TEX36: variants seen among roughly 807,000 people sequenced by gnomAD.
TEX36 encodes testis expressed 36.
A neutral mutation model predicts 13.6 loss-of-function variants in TEX36; 12 were observed. The observed-to-expected ratio is 0.88, with a 90% CI of 0.56 to 1.43. The LOEUF is 1.43. TEX36 is among the 40% of genes most tolerant of loss of function. TEX36 has a pLI of 0.00. For missense variants in TEX36, 224 were observed against 228.3 expected (o/e 0.98, Z 0.12); for synonymous variants, 93 against 83.0 (o/e 1.12, Z -0.65).
chr10:125,634,268 A>G (rs1401696600), intron 3 of TEX36, among the ~76,000 whole-genome samples: 1 of 152,170 alleles, frequency 6.6e-6, no homozygotes, highest in East Asian at 1.9e-4. Context: ...AGCAGAAGCC[A>G]GGTCCCAACT....
intron 3 of TEX36, among the ~76,000 whole-genome samples, chr10:125,591,671 C>G (rs938494169): frequency 6.6e-6 from 1 of 152,202 alleles, no homozygotes; most frequent in African/African-American, 2.4e-5. Flanking sequence ...TAGAGCAGAT[C>G]TTAGTCTTAG....
At chr10:125,621,999 C>T (rs1374622452) in intron 3 of TEX36, among the ~76,000 whole-genome samples, 1 of 152,198 alleles carries the variant, frequency 6.6e-6, no homozygotes, top group Admixed American at 6.5e-5. Flanking sequence ...AAATGCCAAT[C>T]TCCTCTGGCA....
chr10:125,668,080 G>T, intron 1 of TEX36: 1 of 609,544 alleles, frequency 1.6e-6, no homozygotes, highest in South Asian at 2.1e-5. Flanking sequence ...AGAGTCTGTG[G>T]ACAGAGTGTG....
rs543129251 is a variant in TEX36 at position 125,601,469 on chromosome 10, A to G, written c.265-24595T>C. 1.0e-3 allele frequency among the ~76,000 whole-genome samples: 155 copies of G among 152,368 alleles called. 2 individuals carry two copies. Among genetic ancestry groups the G allele is most frequent in the Admixed American group, 4.6e-3 (70 of 15,310 alleles). On this transcript the variant is annotated intron_variant, in intron 3 of 3. Transcript: ENST00000532135. ...TGTTTGTTTGAGTTACAGACAGTGA[A>G]GATAATTCAAGAATTTGTAATTGCT...
At chr10:125,576,812 C>G in exon 4 of TEX36, 1 of 1,535,984 alleles carries the variant, frequency 6.5e-7, no homozygotes, top group East Asian at 2.4e-5. Flanking sequence ...GGGTCCTCAC[C>G]GGCTCATAGA....
At chr10:125,607,429 C>T (rs758152170) in intron 3 of TEX36, among the ~76,000 whole-genome samples, 6 of 152,152 alleles carry the variant, frequency 3.9e-5, no homozygotes, top group East Asian at 1.9e-4. Flanking sequence ...CTGCCCTCCC[C>T]GCATTTATTT....
At chr10:125,592,703 C>A (rs1268037197) in intron 3 of TEX36, among the ~76,000 whole-genome samples, 2 of 152,098 alleles carry the variant, frequency 1.3e-5, no homozygotes, top group Middle Eastern at 3.2e-3. Flanking sequence ...CAGTCCCAAG[C>A]CCCAACTTGT....
At chr10:125,618,635 A>C (rs1846387729), downstream of TEX36, among the ~76,000 whole-genome samples, 1 of 151,968 alleles carries the variant, frequency 6.6e-6, no homozygotes, top group South Asian at 2.1e-4. Context: ...TTCCTAATGG[A>C]GGTGCCTGCC....
chr10:125,584,570 T>C (rs1329807745), intron 3 of TEX36, among the ~76,000 whole-genome samples: 2 of 152,186 alleles, frequency 1.3e-5, no homozygotes, highest in Admixed American at 6.5e-5. Flanking sequence ...TATTTGGAGA[T>C]AGAAGCTTTA....
intron 3 of TEX36, among the ~76,000 whole-genome samples, chr10:125,629,150 A>G (rs1198611755): frequency 4.6e-5 from 7 of 152,340 alleles, no homozygotes; most frequent in Middle Eastern, 3.4e-3. Context: ...CCTGATCTAC[A>G]TCATAACTGC....
intron 3 of TEX36, among the ~76,000 whole-genome samples, chr10:125,648,318 A>T (rs1846803215): frequency 6.6e-6 from 1 of 152,212 alleles, no homozygotes; most frequent in Admixed American, 6.5e-5. Flanking sequence ...CAGAGGAAGG[A>T]TCAGGCAACA....
intron 3 of TEX36, among the ~76,000 whole-genome samples, chr10:125,658,457 G>A (rs1846981108): frequency 6.6e-6 from 1 of 152,010 alleles, no homozygotes; most frequent in African/African-American, 2.4e-5. Flanking sequence ...AATCTTAGAA[G>A]CAGAAATTGA....
intron 3 of TEX36, among the ~76,000 whole-genome samples, chr10:125,584,047 C>T (rs1429217815): frequency 6.6e-6 from 1 of 152,224 alleles, no homozygotes; most frequent in Non-Finnish European, 1.5e-5. Flanking sequence ...ATCTTCCACT[C>T]CTGTCCTCTT....
intron 3 of TEX36, among the ~76,000 whole-genome samples, chr10:125,648,317 G>GC (rs1846803192): frequency 6.6e-6 from 1 of 152,174 alleles, no homozygotes; most frequent in Admixed American, 6.5e-5. Flanking sequence ...CCAGAGGAAG[G>GC]ATCAGGCAAC....
At chr10:125,576,636 G>T in exon 4 of TEX36, 1 of 1,331,434 alleles carries the variant, frequency 7.5e-7, no homozygotes, top group Non-Finnish European at 1.0e-6. Flanking sequence ...AATAAATCCT[G>T]GTGGTTACTA....
At chr10:125,626,641 T>G (rs1308482646) in intron 3 of TEX36, among the ~76,000 whole-genome samples, 7 of 152,078 alleles carry the variant, frequency 4.6e-5, no homozygotes, top group Non-Finnish European at 8.8e-5. Flanking sequence ...AAAGCCATGA[T>G]GGAGCAGACA....
chr10:125,646,141 A>G (rs1488683056), intron 3 of TEX36, among the ~76,000 whole-genome samples: 1 of 152,192 alleles, frequency 6.6e-6, no homozygotes, highest in African/African-American at 2.4e-5. Flanking sequence ...CCATCTGGGC[A>G]ACATGGTGAA....
chr10:125,621,982 C>T (rs1846433997), intron 3 of TEX36, among the ~76,000 whole-genome samples: 7 of 152,210 alleles, frequency 4.6e-5, no homozygotes, highest in Admixed American at 4.6e-4. Flanking sequence ...TCCCAGTCCA[C>T]TGACTCAAAT....
rs180751037 is a variant in TEX36 at position 125,594,446 on chromosome 10, A to T, written c.265-17572T>A. 2.6e-3 allele frequency among the ~76,000 whole-genome samples: 393 copies of T among 152,384 alleles called. 4 individuals carry two copies. The highest frequency in any genetic ancestry group is 9.0e-3 in the African/African-American group (374 of 41,598). ...TGTATGCTTGAGCTCTCATATACTC[A>T]GCAACACAGCTTCAAGATAGTGGAA... is the stretch of plus-strand genomic sequence containing the variant. On this transcript the variant is annotated intron_variant, in intron 3 of 3. Transcript: ENST00000532135.
Sources: gnomAD v4.1 joint callset for allele counts (sites outside exome capture counted in the v4.1 genomes callset) on GRCh38, gnomAD v4.1.1 for gene constraint, MANE v1.5 for transcripts, NCBI Gene and HGNC (gene_info 2026-07-23, HGNC 2026-07-21) for gene names.